CPXM2: variants seen among roughly 807,000 people sequenced by gnomAD.
CPXM2 encodes inactive carboxypeptidase-like protein X2.
In CPXM2, 66 loss-of-function variants were observed where a neutral mutation model predicts 86.1. That is an observed-to-expected ratio of 0.77 (90% confidence interval 0.63 to 0.94). CPXM2 has a LOEUF of 0.94. Among genes scored for constraint, CPXM2 ranks in the 40% least tolerant of loss-of-function variants. The probability of loss-of-function intolerance (pLI) is 0.00; values close to 1 mark genes in which losing one functional copy is unlikely to be tolerated. For synonymous variants in CPXM2, 388 were observed against 400.2 expected, an observed-to-expected ratio of 0.97 and a Z score of 0.36; for missense variants, 948 against 1,026.3, an observed-to-expected ratio of 0.92 and a Z score of 1.04.
At position 123,898,802 on chromosome 10, in the gene CPXM2, T is replaced by A. The variant is rs558049146; in HGVS notation, n.175-18493A>T. ...TCTTGTCGCCCAGGCTGGAGTGCAA[T>A]GGCACGATCTTGCCTCACTGCAACA... is the stretch of plus-strand genomic sequence containing the variant. On this transcript the variant is annotated intron_variant and non_coding_transcript_variant, in intron 2 of 19. Coordinates refer to the CPXM2 transcript ENST00000368854. 2.6e-5 allele frequency among the ~76,000 whole-genome samples: 4 copies of A among 152,386 alleles called. No homozygotes were observed. The South Asian group carries it at 8.3e-4, about 32-fold the overall frequency.
chr10:123,890,766 A>G (rs1270787122), intron 1 of CPXM2, among the ~76,000 whole-genome samples: 3 of 152,180 alleles, frequency 2.0e-5, no homozygotes, highest in African/African-American at 4.8e-5. Context: ...GGAGCCCCCA[A>G]GCCGGAGTCC....
At chr10:123,820,135 C>T (rs556322061) in intron 4 of CPXM2, among the ~76,000 whole-genome samples, 1 of 152,276 alleles carries the variant, frequency 6.6e-6, no homozygotes, top group East Asian at 1.9e-4. Flanking sequence ...TTGTAGACAG[C>T]CCATTGTGGG....
At chr10:123,921,112 G>T (rs1300395751) in intron 2 of CPXM2, among the ~76,000 whole-genome samples, 2 of 152,286 alleles carry the variant, frequency 1.3e-5, no homozygotes, top group East Asian at 1.9e-4. Context: ...TTAGGGAAAA[G>T]GGTGGAATAA....
At chr10:123,832,971 C>T (rs999276873) in intron 4 of CPXM2, among the ~76,000 whole-genome samples, 1 of 152,142 alleles carries the variant, frequency 6.6e-6, no homozygotes, top group African/African-American at 2.4e-5. Context: ...CAGAGTTCAT[C>T]CCCTCTGGAG....
At chr10:123,931,970 A>T (rs1945669913) in intron 2 of CPXM2, among the ~76,000 whole-genome samples, 1 of 152,232 alleles carries the variant, frequency 6.6e-6, no homozygotes, top group Admixed American at 6.5e-5. Flanking sequence ...AAAGTAAAAG[A>T]AGAAAGTCAG....
chr10:123,933,048 A>G (rs1945681219), intron 2 of CPXM2, among the ~76,000 whole-genome samples: 2 of 152,210 alleles, frequency 1.3e-5, no homozygotes, highest in Non-Finnish European at 1.5e-5. Context: ...TGGTACAGTG[A>G]TTGTGCATTA....
At chr10:123,862,890 TG>T (rs1848885669) in intron 2 of CPXM2, among the ~76,000 whole-genome samples, 167 bp from the exon 3 acceptor site, 1 of 152,342 alleles carries the variant, frequency 6.6e-6, no homozygotes, top group African/African-American at 2.4e-5. Flanking sequence ...ATTAAGCCAA[TG>T]TTCTTTCTTG....
At chr10:123,878,925 C>T (rs1451256902) in intron 2 of CPXM2, among the ~76,000 whole-genome samples, 1 of 151,884 alleles carries the variant, frequency 6.6e-6, no homozygotes, top group Non-Finnish European at 1.5e-5. Flanking sequence ...TCCTATTACC[C>T]CCCATCTAGA....
chr10:123,919,430 C>A (rs1378341997), intron 2 of CPXM2, among the ~76,000 whole-genome samples: 7 of 152,176 alleles, frequency 4.6e-5, no homozygotes, highest in Admixed American at 4.6e-4. Flanking sequence ...CCAGCAACCA[C>A]AAGATAACCC....
intron 3 of CPXM2, among the ~76,000 whole-genome samples, chr10:123,846,906 G>C (rs150350991): frequency 1.6e-3 from 249 of 152,234 alleles, no homozygotes; most frequent in African/African-American, 5.8e-3. Context: ...CCTATTGCAG[G>C]GTGTGGGGAG....
intron 2 of CPXM2, among the ~76,000 whole-genome samples, chr10:123,907,459 G>A (rs60304456): frequency 0.095 from 14,468 of 152,068 alleles, 2,016 homozygotes; most frequent in African/African-American, 0.31. Context: ...CCCTCGCAGC[G>A]TCCTTACCCA....
intron 3 of CPXM2, among the ~76,000 whole-genome samples, chr10:123,862,342 A>ATGGAAGAGAAGTGTTCAAAAGG: frequency 6.6e-6 from 1 of 152,284 alleles, no homozygotes; most frequent in African/African-American, 2.4e-5. Context: ...CCAACAGCAT[A>ATGGAAGAGAAGTGTTCAAAAGG]TGGAAGAGAA....
intron 2 of CPXM2, among the ~76,000 whole-genome samples, chr10:123,934,335 G>A (rs541503863): frequency 1.3e-5 from 2 of 152,210 alleles, no homozygotes; most frequent in Non-Finnish European, 2.9e-5. Context: ...GACCATAGGT[G>A]GGGATCTGTC....
intron 2 of CPXM2, among the ~76,000 whole-genome samples, chr10:123,938,107 T>C (rs1038682470): frequency 1.3e-5 from 2 of 152,070 alleles, no homozygotes; most frequent in Non-Finnish European, 2.9e-5. Context: ...TCTTTATGTA[T>C]CTCCCACTCT....
chr10:123,819,307 G>A (rs1847877755), intron 4 of CPXM2, among the ~76,000 whole-genome samples: 1 of 152,176 alleles, frequency 6.6e-6, no homozygotes, highest in African/African-American at 2.4e-5. Flanking sequence ...AATCCAGGCA[G>A]GACTACAAGT....
chr10:123,930,024 G>A (rs1945654215), intron 2 of CPXM2, among the ~76,000 whole-genome samples: 1 of 152,160 alleles, frequency 6.6e-6, no homozygotes, highest in African/African-American at 2.4e-5. Context: ...AGCCCGTCCT[G>A]GGCCATCTCT....
At chr10:123,898,345 T>G (rs867976037) in intron 2 of CPXM2, among the ~76,000 whole-genome samples, 10 of 152,186 alleles carry the variant, frequency 6.6e-5, no homozygotes, top group Admixed American at 2.0e-4. Context: ...TCCCAACTAC[T>G]TGAGAGGCTG....
intron 2 of CPXM2, among the ~76,000 whole-genome samples, chr10:123,912,904 GC>G (rs1474149624): frequency 2.0e-5 from 3 of 152,214 alleles, no homozygotes; most frequent in Middle Eastern, 3.2e-3. Flanking sequence ...TGAAGGAACT[GC>G]CAGACCTTGT....
At chr10:123,887,842 G>C (rs1056356813) in intron 1 of CPXM2, among the ~76,000 whole-genome samples, 1 of 152,130 alleles carries the variant, frequency 6.6e-6, no homozygotes, top group African/African-American at 2.4e-5. Context: ...TGGGGCCTCA[G>C]TGTACTATTT....
Sources: gnomAD v4.1 joint callset for allele counts (sites outside exome capture counted in the v4.1 genomes callset) on GRCh38, gnomAD v4.1.1 for gene constraint, MANE v1.5 for transcripts, NCBI Gene and HGNC (gene_info 2026-07-23, HGNC 2026-07-21) for gene names.